Variants in DAB1 observed in about 807,000 individuals in gnomAD.
DAB1 encodes DAB adaptor protein 1.
DAB1 carries 15 observed loss-of-function variants against 64.6 expected under a neutral mutation model. The observed-to-expected ratio is 0.23, with a 90% CI of 0.16 to 0.36. DAB1 has a LOEUF of 0.36. DAB1 is among the 10% of genes least tolerant of loss of function. The pLI, the probability that DAB1 is intolerant of heterozygous loss-of-function variation, is 1.00. For missense variants in DAB1, 596 were observed against 706.7 expected, an observed-to-expected ratio of 0.84 and a Z score of 1.78; for synonymous variants, 235 against 251.9, an observed-to-expected ratio of 0.93 and a Z score of 0.64.
intron 7 of DAB1, among the ~76,000 whole-genome samples, chr1:57,463,138 G>A (rs1686842563): frequency 6.6e-6 from 1 of 152,130 alleles, no homozygotes; most frequent in Non-Finnish European, 1.5e-5. Context: ...ACAGGACCTA[G>A]TCAGGGTCTG....
At chr1:58,091,629 A>G (rs1390621794) in intron 5 of DAB1, among the ~76,000 whole-genome samples, 1 of 152,166 alleles carries the variant, frequency 6.6e-6, no homozygotes, top group Non-Finnish European at 1.5e-5. Context: ...CAGGCATTAC[A>G]GGCCAACTCT....
At chr1:58,423,512 C>T (rs1036986428) in intron 3 of DAB1, among the ~76,000 whole-genome samples, 5 of 152,194 alleles carry the variant, frequency 3.3e-5, no homozygotes, top group Non-Finnish European at 7.3e-5. Flanking sequence ...CCAACCGCAC[C>T]GTCTGCCATT....
chr1:57,441,176 T>C (rs77454464), intron 7 of DAB1, among the ~76,000 whole-genome samples: 3,750 of 152,334 alleles, frequency 0.025, 136 homozygotes, highest in African/African-American at 0.085. Context: ...TCTTGATGCA[T>C]CCATGTGACT....
chr1:58,415,412 C>T (rs1182273880), intron 3 of DAB1: 1 of 244,056 alleles, frequency 4.1e-6, no homozygotes, highest in African/African-American at 2.3e-5. Flanking sequence ...GGAAAGAATT[C>T]CATTTCCACT....
intron 7 of DAB1, among the ~76,000 whole-genome samples, chr1:57,554,155 G>T (rs1405453715): frequency 1.3e-5 from 2 of 152,206 alleles, no homozygotes. Flanking sequence ...ATAGAGAGCA[G>T]GAAGGCCTCC....
intron 5 of DAB1, among the ~76,000 whole-genome samples, chr1:58,064,822 C>T (rs1248068947): frequency 1.3e-5 from 2 of 152,114 alleles, no homozygotes; most frequent in Non-Finnish European, 1.5e-5. Context: ...CCCGGGTTCA[C>T]GCCATTCTTC....
At chr1:57,135,671 C>T (rs1399017524) in intron 4 of DAB1, among the ~76,000 whole-genome samples, 1 of 152,062 alleles carries the variant, frequency 6.6e-6, no homozygotes, top group African/African-American at 2.4e-5. Context: ...TCTTACTACC[C>T]TTATGTTATC....
At chr1:57,993,118 CT>C in intron 5 of DAB1, among the ~76,000 whole-genome samples, 1 of 152,298 alleles carries the variant, frequency 6.6e-6, no homozygotes, top group South Asian at 2.1e-4. Flanking sequence ...TCACTTAACA[CT>C]TTCATGAGCA....
At chr1:57,950,562 A>G (rs1339631581) in intron 5 of DAB1, among the ~76,000 whole-genome samples, 1 of 152,130 alleles carries the variant, frequency 6.6e-6, no homozygotes, top group Non-Finnish European at 1.5e-5. Flanking sequence ...CACCCATCAA[A>G]TAGAGTCTTG....
chr1:57,376,509 C>T (rs1680907691), intron 1 of DAB1, among the ~76,000 whole-genome samples: 1 of 152,212 alleles, frequency 6.6e-6, no homozygotes, highest in South Asian at 2.1e-4. Context: ...GTTTTATTCA[C>T]TTTTGTATCT....
chr1:57,215,409 A>G (rs1666350462), intron 2 of DAB1, among the ~76,000 whole-genome samples: 1 of 152,246 alleles, frequency 6.6e-6, no homozygotes, highest in African/African-American at 2.4e-5. Context: ...AGTGCCACTC[A>G]AGAATGCCAG....
exon 3 of DAB1, chr1:58,506,114 A>C: frequency 2.3e-6 from 2 of 872,466 alleles, no homozygotes; most frequent in Non-Finnish European, 4.0e-6. Flanking sequence ...AAGGGTGTGT[A>C]GATAACCATT....
chr1:57,490,935 G>T (rs1447496618), intron 7 of DAB1, among the ~76,000 whole-genome samples: 1 of 152,182 alleles, frequency 6.6e-6, no homozygotes, highest in Non-Finnish European at 1.5e-5. Context: ...TTTTTTCACA[G>T]TTGAGAAGGA....
At chr1:57,210,240 C>T (rs1197613837) in intron 2 of DAB1, among the ~76,000 whole-genome samples, 1 of 152,050 alleles carries the variant, frequency 6.6e-6, no homozygotes, top group African/African-American at 2.4e-5. Context: ...GTAACATTTC[C>T]ATTAACATTT....
rs138581360 is a variant in DAB1 at position 58,044,819 on chromosome 1, A to G, written n.387+105692T>C. 1.2e-4 allele frequency among the ~76,000 whole-genome samples: 18 copies of G among 152,286 alleles called. No individual in the cohort carries two copies. The East Asian group carries it at 2.5e-3, about 21-fold the overall frequency. ...AAGCACTTATCACAGAACCCAATAC[A>G]TAGGACTCAATGTTAGTTATTAATA... On this transcript the variant is annotated intron_variant and non_coding_transcript_variant, in intron 5 of 20. Transcript: ENST00000485760.
At chr1:57,063,177 T>A (rs1233821879) in intron 8 of DAB1, among the ~76,000 whole-genome samples, 1 of 152,062 alleles carries the variant, frequency 6.6e-6, no homozygotes, top group Non-Finnish European at 1.5e-5. Flanking sequence ...AGGTCGTCTC[T>A]GCCATTGGGC....
At chr1:57,786,750 T>C (rs1190513038) in intron 6 of DAB1, among the ~76,000 whole-genome samples, 1 of 152,160 alleles carries the variant, frequency 6.6e-6, no homozygotes, top group Non-Finnish European at 1.5e-5. Flanking sequence ...ATATAGGCTC[T>C]TGAAAACTAT....
intron 2 of DAB1, among the ~76,000 whole-genome samples, chr1:57,173,057 G>A (rs141844858): frequency 6.6e-5 from 10 of 152,192 alleles, no homozygotes; most frequent in South Asian, 2.1e-4. Context: ...ATAATATAAA[G>A]GTTCTTCTGA....
At chr1:57,535,182 A>G (rs1644711098) in intron 7 of DAB1, among the ~76,000 whole-genome samples, 1 of 152,146 alleles carries the variant, frequency 6.6e-6, no homozygotes, top group Non-Finnish European at 1.5e-5. Context: ...TTATTGAGCT[A>G]CAATAATTGT....
Sources: gnomAD v4.1 joint callset for allele counts (sites outside exome capture counted in the v4.1 genomes callset) on GRCh38, gnomAD v4.1.1 for gene constraint, MANE v1.5 for transcripts, NCBI Gene and HGNC (gene_info 2026-07-23, HGNC 2026-07-21) for gene names.